Variants in NTNG1 observed in about 807,000 individuals in gnomAD.
NTNG1 encodes netrin-G1.
In NTNG1, 16 loss-of-function variants were observed where a neutral mutation model predicts 54.0. The ratio of observed to expected loss-of-function variants is 0.30; its 90% CI spans 0.20 to 0.45. NTNG1 has a LOEUF of 0.45. NTNG1 is among the 20% of genes least tolerant of loss of function. The pLI is 1.00. For synonymous variants in NTNG1, 255 were observed against 263.1 expected, an observed-to-expected ratio of 0.97 and a Z score of 0.30; for missense variants, 530 against 678.7, an observed-to-expected ratio of 0.78 and a Z score of 2.43.
chr1:107,308,765 T>G (rs1042512633), intron 2 of NTNG1, among the ~76,000 whole-genome samples: 1 of 152,214 alleles, frequency 6.6e-6, no homozygotes, highest in African/African-American at 2.4e-5. Flanking sequence ...TTTAATAATA[T>G]TGAATCTTCC....
chr1:107,390,174 T>C (rs986415068), intron 3 of NTNG1, among the ~76,000 whole-genome samples: 1 of 152,124 alleles, frequency 6.6e-6, no homozygotes, highest in Admixed American at 6.6e-5. Context: ...CACCCTCTAC[T>C]TGCAGTGTTC....
At chr1:107,220,930 A>AT (rs531924008) in intron 2 of NTNG1, among the ~76,000 whole-genome samples, 41 of 149,926 alleles carry the variant, frequency 2.7e-4, no homozygotes, top group Middle Eastern at 3.5e-3. Context: ...CATTCCAATC[A>AT]TTTTTTTTTT....
At chr1:107,263,278 TTCCTTCC>T (rs1261199636) in intron 2 of NTNG1, among the ~76,000 whole-genome samples, 1 of 29,244 alleles carries the variant, frequency 3.4e-5, no homozygotes, top group African/African-American at 5.2e-5. Context: ...GCTTGCTTCC[TTCCTTCC>T]TTCCTTCCTT....
At chr1:107,163,468 T>G (rs1361999894) in intron 2 of NTNG1, among the ~76,000 whole-genome samples, 2 of 152,188 alleles carry the variant, frequency 1.3e-5, no homozygotes, top group African/African-American at 2.4e-5. Flanking sequence ...GCTTATTTTC[T>G]GCTTTGAATG....
chr1:107,239,519 G>A (rs1483557543), intron 2 of NTNG1, among the ~76,000 whole-genome samples: 2 of 152,190 alleles, frequency 1.3e-5, no homozygotes, highest in Non-Finnish European at 2.9e-5. Context: ...GTTTTCTGGA[G>A]GATTGCTGTC....
intron 2 of NTNG1, among the ~76,000 whole-genome samples, chr1:107,253,631 A>G (rs1042257809): frequency 6.6e-6 from 1 of 152,172 alleles, no homozygotes; most frequent in Non-Finnish European, 1.5e-5. Flanking sequence ...TTATTGGTTT[A>G]GATTGCCTTA....
intron 2 of NTNG1, among the ~76,000 whole-genome samples, chr1:107,282,714 G>T (rs1294564545): frequency 6.6e-6 from 1 of 152,112 alleles, no homozygotes; most frequent in Non-Finnish European, 1.5e-5. Flanking sequence ...TTATAGCACT[G>T]TCCTTCAGTC....
At chr1:107,168,954 T>G (rs1184320316) in intron 2 of NTNG1, among the ~76,000 whole-genome samples, 1 of 152,188 alleles carries the variant, frequency 6.6e-6, no homozygotes, top group South Asian at 2.1e-4. Flanking sequence ...GCCTTCTTTT[T>G]CTATTCAATC....
At chr1:107,169,914 A>C (rs963251206) in intron 2 of NTNG1, among the ~76,000 whole-genome samples, 1 of 152,172 alleles carries the variant, frequency 6.6e-6, no homozygotes. Flanking sequence ...GGGAGTCTGG[A>C]ACTCTTGTGC....
At chr1:107,182,583 C>T (rs1244576053) in intron 2 of NTNG1, among the ~76,000 whole-genome samples, 1 of 151,992 alleles carries the variant, frequency 6.6e-6, no homozygotes, top group East Asian at 1.9e-4. Flanking sequence ...TACTCAATTC[C>T]CCATGGTCCT....
At chr1:107,200,590 G>A (rs145031124) in intron 2 of NTNG1, among the ~76,000 whole-genome samples, 5 of 151,594 alleles carry the variant, frequency 3.3e-5, no homozygotes, top group East Asian at 1.9e-4. Flanking sequence ...TTGTTTCACC[G>A]TCCTTTTAAT....
intron 5 of NTNG1, among the ~76,000 whole-genome samples, chr1:107,426,153 T>C (rs995988011): frequency 6.6e-6 from 1 of 152,148 alleles, no homozygotes; most frequent in Non-Finnish European, 1.5e-5. Flanking sequence ...TTATTTATTT[T>C]GCTATGCAGA....
At chr1:107,269,704 A>C (rs1231367523) in intron 2 of NTNG1, among the ~76,000 whole-genome samples, 3 of 152,260 alleles carry the variant, frequency 2.0e-5, no homozygotes, top group Non-Finnish European at 4.4e-5. Flanking sequence ...CTCTGCAGCT[A>C]AATATACTAG....
intron 2 of NTNG1, among the ~76,000 whole-genome samples, chr1:107,164,768 C>T (rs191944556): frequency 2.6e-5 from 4 of 151,164 alleles, no homozygotes; most frequent in East Asian, 1.9e-4. Flanking sequence ...AGAAACAAAA[C>T]GCTTGTTCCT....
chr1:107,179,890 G>T (rs1170209827), intron 2 of NTNG1, among the ~76,000 whole-genome samples: 1 of 152,032 alleles, frequency 6.6e-6, no homozygotes, highest in Admixed American at 6.6e-5. Flanking sequence ...CATTGTGAGG[G>T]AGTAAGTCCA....
At chr1:107,212,102 G>T (rs917540352) in intron 2 of NTNG1, among the ~76,000 whole-genome samples, 2 of 151,962 alleles carry the variant, frequency 1.3e-5, no homozygotes, top group Non-Finnish European at 2.9e-5. Context: ...TTTTCTTGGG[G>T]GAAAGCATTA....
chr1:107,319,730 G>A (rs1405624457), intron 2 of NTNG1, among the ~76,000 whole-genome samples: 5 of 152,042 alleles, frequency 3.3e-5, no homozygotes, highest in African/African-American at 1.2e-4. Context: ...TTACAGTTCA[G>A]TGGCAAATCT....
At chr1:107,234,201 C>A (rs1248884289) in intron 2 of NTNG1, among the ~76,000 whole-genome samples, 1 of 152,138 alleles carries the variant, frequency 6.6e-6, no homozygotes, top group African/African-American at 2.4e-5. Flanking sequence ...TGGCTCACTG[C>A]AACGTCTGTC....
intron 2 of NTNG1, among the ~76,000 whole-genome samples, chr1:107,320,641 A>T (rs936238522): frequency 6.7e-6 from 1 of 150,284 alleles, no homozygotes; most frequent in Admixed American, 6.6e-5. Flanking sequence ...GATAAGATTT[A>T]CGGCTTCTTC....
Sources: gnomAD v4.1 joint callset for allele counts (sites outside exome capture counted in the v4.1 genomes callset) on GRCh38, gnomAD v4.1.1 for gene constraint, MANE v1.5 for transcripts, NCBI Gene and HGNC (gene_info 2026-07-23, HGNC 2026-07-21) for gene names.